Variants in SHISA9 observed in about 807,000 individuals in gnomAD.
SHISA9 encodes protein shisa-9.
SHISA9 carries 13 observed loss-of-function variants against 38.0 expected under a neutral mutation model. The observed-to-expected ratio is 0.34, with a 90% CI of 0.22 to 0.54. SHISA9 has a LOEUF of 0.54. Among genes scored for constraint, SHISA9 ranks in the 20% least tolerant of loss-of-function variants. The pLI, the probability that SHISA9 is intolerant of heterozygous loss-of-function variation, is 0.91. For missense variants in SHISA9, 538 were observed against 575.8 expected (o/e 0.93, Z 0.67); for synonymous variants, 275 against 242.0 (o/e 1.14, Z -1.27).
At chr16:13,137,900 T>C (rs769472211) in intron 2 of SHISA9, among the ~76,000 whole-genome samples, 2 of 152,220 alleles carry the variant, frequency 1.3e-5, no homozygotes, top group Non-Finnish European at 2.9e-5. Context: ...CTCACTCTGT[T>C]TTCATGGCTA....
At chr16:13,257,026 C>A in the SHISA9 span, among the ~76,000 whole-genome samples, 1 of 152,338 alleles carries the variant, frequency 6.6e-6, no homozygotes, top group East Asian at 1.9e-4. Flanking sequence ...GTGTTAAGAA[C>A]TCCAACTTTA....
At chr16:13,323,360 T>C in the SHISA9 span, among the ~76,000 whole-genome samples, 1 of 152,190 alleles carries the variant, frequency 6.6e-6, no homozygotes, top group African/African-American at 2.4e-5. Context: ...CTCCCATGTC[T>C]TTTAAGTGAC....
the SHISA9 span, among the ~76,000 whole-genome samples, chr16:13,427,008 A>G: frequency 6.6e-6 from 1 of 152,220 alleles, no homozygotes; most frequent in African/African-American, 2.4e-5. Context: ...ATTGTCTACT[A>G]CAGTCAGCTG....
chr16:12,989,602 C>T (rs1270800175), intron 2 of SHISA9, among the ~76,000 whole-genome samples: 3 of 152,170 alleles, frequency 2.0e-5, no homozygotes, highest in African/African-American at 7.2e-5. Flanking sequence ...CTGGCCCAGC[C>T]TGTTTTTTTC....
At chr16:13,052,048 C>A (rs2073257954) in intron 2 of SHISA9, among the ~76,000 whole-genome samples, 1 of 152,176 alleles carries the variant, frequency 6.6e-6, no homozygotes, top group African/African-American at 2.4e-5. Flanking sequence ...TAGGCGTCAA[C>A]CACTGCGCCC....
chr16:13,185,785 A>G (rs991641336), intron 2 of SHISA9, among the ~76,000 whole-genome samples: 2 of 152,210 alleles, frequency 1.3e-5, no homozygotes, highest in Non-Finnish European at 2.9e-5. Context: ...TGAGTTGTTC[A>G]TGAATAAATT....
intron 2 of SHISA9, among the ~76,000 whole-genome samples, chr16:13,072,437 T>C (rs2073529530): frequency 6.6e-6 from 1 of 152,154 alleles, no homozygotes; most frequent in Non-Finnish European, 1.5e-5. Flanking sequence ...CAGGACCTGC[T>C]ACCTTTTAGT....
chr16:13,096,322 C>G (rs953715913), intron 2 of SHISA9, among the ~76,000 whole-genome samples: 1 of 152,186 alleles, frequency 6.6e-6, no homozygotes, highest in African/African-American at 2.4e-5. Context: ...TTACCCAAGC[C>G]TTGCGACACA....
chr16:13,513,578 A>G, the SHISA9 span, among the ~76,000 whole-genome samples: 41,613 of 152,098 alleles, frequency 0.27, 6,519 homozygotes, highest in East Asian at 0.38. Context: ...AAAGACCTGG[A>G]ACCAACCCAA....
chr16:13,084,134 A>G lies in SHISA9; in HGVS notation c.692-119260A>G. 1.3e-5 allele frequency among the ~76,000 whole-genome samples: 2 copies of G among 152,212 alleles called. 1 individual carries two copies. The highest frequency in any genetic ancestry group is 3.8e-4 in the East Asian group (2 of 5,196). ...AAAAAAGGCTAGTTTCTTATAAATT[A>G]TCTGCCCAGCCCTTTATTTTAAAAA... is the stretch of plus-strand genomic sequence containing the variant. On this transcript the variant is annotated intron_variant, in intron 2 of 4. Coordinates refer to ENST00000558583, the MANE Select transcript of SHISA9 (RefSeq NM_001145204.3).
At chr16:13,307,770 G>A in the SHISA9 span, among the ~76,000 whole-genome samples, 31 of 152,226 alleles carry the variant, frequency 2.0e-4, no homozygotes, top group Admixed American at 5.2e-4. Context: ...ACAAAAAGTA[G>A]GTTTTGCTCC....
chr16:13,050,082 AT>A (rs2073233262), intron 2 of SHISA9, among the ~76,000 whole-genome samples: 1 of 152,224 alleles, frequency 6.6e-6, no homozygotes. Context: ...CTATGATGAT[AT>A]AGAATAACTA....
chr16:13,087,832 C>T (rs1425877524), intron 2 of SHISA9, among the ~76,000 whole-genome samples: 12 of 152,222 alleles, frequency 7.9e-5, no homozygotes, highest in Admixed American at 3.3e-4. Context: ...TTAATTAGAT[C>T]CCATTTGTCT....
the SHISA9 span, among the ~76,000 whole-genome samples, chr16:13,491,382 CTTT>C: frequency 2.8e-4 from 40 of 141,752 alleles, no homozygotes; most frequent in Non-Finnish European, 3.1e-4. Flanking sequence ...TTTTCAGAGC[CTTT>C]TTTTTTTTTT....
chr16:12,927,256 T>G (rs2141736197), intron 2 of SHISA9, among the ~76,000 whole-genome samples: 1 of 152,330 alleles, frequency 6.6e-6, no homozygotes, highest in East Asian at 1.9e-4. Flanking sequence ...GTTACATTAG[T>G]CTGAGAATGC....
chr16:13,111,178 G>A (rs2073974509), intron 2 of SHISA9, among the ~76,000 whole-genome samples: 1 of 152,020 alleles, frequency 6.6e-6, no homozygotes, highest in South Asian at 2.1e-4. Flanking sequence ...GGCAACAAAA[G>A]CCAAAATTGA....
the SHISA9 span, among the ~76,000 whole-genome samples, chr16:13,373,229 G>T: frequency 6.6e-6 from 1 of 152,200 alleles, no homozygotes; most frequent in African/African-American, 2.4e-5. Flanking sequence ...TGTTTCAAAG[G>T]TTGAAAGAGT....
At chr16:13,124,329 G>C (rs1324797484) in intron 2 of SHISA9, among the ~76,000 whole-genome samples, 2 of 152,222 alleles carry the variant, frequency 1.3e-5, no homozygotes, top group African/African-American at 4.8e-5. Context: ...TGAGAGGAAA[G>C]AAAGGCTTTG....
the SHISA9 span, among the ~76,000 whole-genome samples, chr16:13,394,796 G>C: frequency 6.6e-6 from 1 of 152,150 alleles, no homozygotes; most frequent in African/African-American, 2.4e-5. Context: ...AGAAGAATCA[G>C]GACGAATGAG....
Sources: gnomAD v4.1 joint callset for allele counts (sites outside exome capture counted in the v4.1 genomes callset) on GRCh38, gnomAD v4.1.1 for gene constraint, MANE v1.5 for transcripts, NCBI Gene and HGNC (gene_info 2026-07-23, HGNC 2026-07-21) for gene names.